The following THBS4 variants were observed in gnomAD, a reference collection of about 807,000 sequenced individuals.
THBS4 encodes thrombospondin 4.
In THBS4, 90 loss-of-function variants were observed where a neutral mutation model predicts 115.7. The observed-to-expected ratio is 0.78, with a 90% confidence interval of 0.66 to 0.93. THBS4 has a LOEUF of 0.93. Ranked by LOEUF, THBS4 falls within the 40% of genes least tolerant of loss-of-function variation. The probability of loss-of-function intolerance (pLI) is 0.00; values close to 1 mark genes in which losing one functional copy is unlikely to be tolerated. For missense variants in THBS4, 1,087 were observed against 1,232.7 expected (o/e 0.88, Z 1.77); for synonymous variants, 460 against 479.3 (o/e 0.96, Z 0.53).
intron 20 of THBS4, 189 bp from the exon 21 acceptor site, chr5:80,082,217 T>C: frequency 1.7e-6 from 1 of 594,154 alleles, no homozygotes; most frequent in Non-Finnish European, 2.8e-6. Context: ...GTCCCTGCCC[T>C]CAAGGACTTC....
intron 2 of THBS4, 142 bp downstream of exon 2, chr5:80,040,422 C>A: frequency 2.0e-6 from 1 of 511,224 alleles, no homozygotes; most frequent in Non-Finnish European, 3.3e-6. Flanking sequence ...CTGAATTCTT[C>A]TTACTGTACA....
Position 80,065,400 on chromosome 5 carries a change from C to G in THBS4, c.1126-9C>G. Reference sequence around the variant, plus strand: ...CTCGCTAAACTTTCTTTGAACTTTTCTGCACTAGGTCTGCACTGACATTGA... The same window carrying G: ...CTCGCTAAACTTTCTTTGAACTTTTGTGCACTAGGTCTGCACTGACATTGA... On this transcript the variant is annotated splice_polypyrimidine_tract_variant and intron_variant, in intron 8 of 21. Coordinates refer to ENST00000350881, the MANE Select transcript of THBS4 (RefSeq NM_003248.6). The G allele has an allele frequency of 1.2e-6, 2 of 1,607,612 alleles. No individual in the cohort carries two copies. The highest frequency in any genetic ancestry group is 1.7e-6 in the Non-Finnish European group (2 of 1,177,328).
intron 21 of THBS4, among the ~76,000 whole-genome samples, 169 bp from the exon 22 acceptor site, chr5:80,082,911 A>G (rs558193715): frequency 6.6e-6 from 1 of 152,372 alleles, no homozygotes; most frequent in East Asian, 1.9e-4. Flanking sequence ...CTGGGCTTTA[A>G]GCCAACGGTT....
At chr5:80,005,958 G>A (rs1832009414) in intron 2 of THBS4, among the ~76,000 whole-genome samples, 1 of 151,818 alleles carries the variant, frequency 6.6e-6, no homozygotes. Flanking sequence ...GTAGACATGG[G>A]GTTTCACCAT....
At chr5:80,078,523 A>T (rs562557612) in intron 17 of THBS4, among the ~76,000 whole-genome samples, 2 of 152,300 alleles carry the variant, frequency 1.3e-5, no homozygotes, top group South Asian at 4.1e-4. Flanking sequence ...CACACTTCTG[A>T]TCTCTGCAGC....
At chr5:80,014,009 C>T (rs1832199367) in intron 2 of THBS4, among the ~76,000 whole-genome samples, 1 of 152,170 alleles carries the variant, frequency 6.6e-6, no homozygotes, top group Admixed American at 6.5e-5. Flanking sequence ...CAGCTCTTGG[C>T]TATGTCTCCT....
chr5:79,996,183 G>C (rs1441213370), intron 1 of THBS4, among the ~76,000 whole-genome samples: 1 of 151,952 alleles, frequency 6.6e-6, no homozygotes, highest in East Asian at 1.9e-4. Context: ...TATATCAGGG[G>C]TTAATAAAAA....
chr5:80,002,372 G>C (rs1052374303), intron 2 of THBS4, among the ~76,000 whole-genome samples: 1 of 151,984 alleles, frequency 6.6e-6, no homozygotes, highest in Non-Finnish European at 1.5e-5. Flanking sequence ...ACCCTCAATG[G>C]ATGTCAGGGG....
rs1580970323 is a variant in THBS4, at chr5:80,065,877, G to A, written c.1194+400G>A. 2.0e-5 allele frequency among the ~76,000 whole-genome samples: 3 copies of A among 151,872 alleles called. No homozygotes were observed. The East Asian group carries it at 5.8e-4, about 29-fold the overall frequency. On this transcript the variant is annotated intron_variant, in intron 9 of 21. Coordinates refer to ENST00000350881, the MANE Select transcript of THBS4 (RefSeq NM_003248.6). ...ATTTTCATAAAACTTTCAATCATGG[G>A]GTCAGGAGATCGAGACCATCCTGGC...
At chr5:80,079,748 T>A (rs1007955432) in intron 19 of THBS4, among the ~76,000 whole-genome samples, 157 bp from the exon 20 acceptor site, 9 of 152,218 alleles carry the variant, frequency 5.9e-5, no homozygotes, top group Admixed American at 5.9e-4. Flanking sequence ...TGGGGTCACC[T>A]CCATAGAAAT....
chr5:80,005,675 C>T (rs1349019583), intron 2 of THBS4, among the ~76,000 whole-genome samples: 1 of 151,404 alleles, frequency 6.6e-6, no homozygotes, highest in Non-Finnish European at 1.5e-5. Flanking sequence ...GCCTGGCTGG[C>T]AGAGCACTGT....
chr5:80,074,311 C>A (rs543176151), intron 15 of THBS4: 1 of 152,318 alleles, frequency 6.6e-6, no homozygotes, highest in African/African-American at 2.4e-5. Flanking sequence ...CCTAGCTCAA[C>A]ACGATGGAGT....
At chr5:80,061,855 A>C in intron 8 of THBS4, 23 bp downstream of exon 8, 1 of 1,593,876 alleles carries the variant, frequency 6.3e-7, no homozygotes, top group South Asian at 1.1e-5. Flanking sequence ...CATGGTTTCT[A>C]TTCATTTCTC....
At chr5:80,003,890 G>A (rs574936249) in intron 2 of THBS4, among the ~76,000 whole-genome samples, 31 of 152,280 alleles carry the variant, frequency 2.0e-4, no homozygotes, top group Admixed American at 1.3e-3. Context: ...TGTATCCCGG[G>A]TTTTAAACAT....
intron 2 of THBS4, among the ~76,000 whole-genome samples, chr5:80,050,965 G>A (rs1833235809): frequency 1.3e-5 from 2 of 152,186 alleles, no homozygotes; most frequent in Admixed American, 1.3e-4. Context: ...GAGTCGGGAG[G>A]TGGGATGGTT....
chr5:80,010,762 T>TA (rs1378469264), intron 2 of THBS4, among the ~76,000 whole-genome samples: 1 of 152,208 alleles, frequency 6.6e-6, no homozygotes, highest in Non-Finnish European at 1.5e-5. Flanking sequence ...TCCAAATTGA[T>TA]ACGGGGCGTT....
intron 2 of THBS4, among the ~76,000 whole-genome samples, chr5:80,051,849 C>G (rs1045081258): frequency 6.6e-6 from 1 of 152,118 alleles, no homozygotes; most frequent in African/African-American, 2.4e-5. Flanking sequence ...AAACCATGGC[C>G]CACATACCCT....
At chr5:80,076,746 C>G (rs975439165) in intron 15 of THBS4, 109 bp from the exon 16 acceptor site, 36 of 1,184,448 alleles carry the variant, frequency 3.0e-5, no homozygotes, top group Non-Finnish European at 3.7e-5. Context: ...ATTTTAAGAG[C>G]CAACCCTGGT....
At chr5:80,054,327 T>A (rs1833353405) in intron 2 of THBS4, among the ~76,000 whole-genome samples, 1 of 149,428 alleles carries the variant, frequency 6.7e-6, no homozygotes, top group Non-Finnish European at 1.5e-5. Context: ...CCTTTTTTTT[T>A]TTTTTTTTTT....
Sources: gnomAD v4.1 joint callset for allele counts (sites outside exome capture counted in the v4.1 genomes callset) on GRCh38, gnomAD v4.1.1 for gene constraint, MANE v1.5 for transcripts, NCBI Gene and HGNC (gene_info 2026-07-23, HGNC 2026-07-21) for gene names.